POGZ: variants seen among roughly 807,000 people sequenced by gnomAD.
POGZ encodes the protein pogo transposable element derived with ZNF domain.
Under a neutral mutation model 134.6 loss-of-function variants are expected in POGZ, and 17 were observed. The ratio of observed to expected loss-of-function variants is 0.13; its 90% CI spans 0.09 to 0.19. The LOEUF is 0.19. POGZ is among the 10% of genes least tolerant of loss of function. POGZ has a pLI of 1.00. For missense variants in POGZ, 1,306 were observed against 1,769.7 expected (o/e 0.74, Z 4.70); for synonymous variants, 693 against 657.1 (o/e 1.05, Z -0.84).
At chr1:151,408,350 C>T (rs897715235) in intron 14 of POGZ, 59 bp downstream of exon 14, 2 of 1,561,354 alleles carry the variant, frequency 1.3e-6, no homozygotes, top group South Asian at 2.4e-5. Flanking sequence ...CACTGTGTAT[C>T]AGGAATAATC....
intron 7 of POGZ, 32 bp from the exon 8 acceptor site, chr1:151,425,093 A>G (rs1268493586): frequency 9.1e-7 from 1 of 1,100,534 alleles, no homozygotes; most frequent in Non-Finnish European, 1.4e-6. Context: ...GATAAGATTA[A>G]TACAATGACA....
At chr1:151,425,982 G>C (rs1016652978) in intron 7 of POGZ, among the ~76,000 whole-genome samples, 1 of 152,168 alleles carries the variant, frequency 6.6e-6, no homozygotes, top group South Asian at 2.1e-4. Flanking sequence ...AGTGCGTAAG[G>C]GTTCTGCTTT....
chr1:151,406,734 G>A (rs992061110), intron 17 of POGZ, 103 bp from the exon 18 acceptor site: 18 of 1,076,294 alleles, frequency 1.7e-5, no homozygotes, highest in South Asian at 1.4e-4. Flanking sequence ...TACGCTGTTC[G>A]CAGTGACCAG....
intron 17 of POGZ, 108 bp from the exon 18 acceptor site, chr1:151,406,739 G>T: frequency 1.8e-6 from 2 of 1,081,236 alleles, no homozygotes; most frequent in South Asian, 2.7e-5. Flanking sequence ...TGTTCGCAGT[G>T]ACCAGCTTTC....
At chr1:151,447,631 A>C (rs908030428) in intron 1 of POGZ, among the ~76,000 whole-genome samples, 17 of 133,060 alleles carry the variant, frequency 1.3e-4, no homozygotes, top group African/African-American at 4.5e-4. Context: ...AAGAGCCACC[A>C]TGTCTGGCTA....
Position 151,430,764 on chromosome 1 carries a change from C to T in POGZ, c.361G>A (p.Val121Ile). ...ACAGGCCTCAATACTGGTTGAGTAACCATTGTGCCCAGACCTGGGGCTGGA... is the reference window on the plus strand; with the variant it reads ...ACAGGCCTCAATACTGGTTGAGTAATCATTGTGCCCAGACCTGGGGCTGGA... ...QNPAPGLGTM[V>I]TQPVLRPVQV... is the part of the protein sequence containing the mutation. Residue 121 changes from valine to isoleucine, a missense_variant, in exon 4 of 19, where the codon GTT becomes ATT. By Grantham distance (29) the Val-to-Ile change is conservative (BLOSUM62 3). This residue lies in a region of POGZ where 541 missense variants were observed against 680.5 expected (regional missense o/e 0.80). Coordinates refer to ENST00000271715, the MANE Select transcript of POGZ (RefSeq NM_015100.4). 6.2e-7 allele frequency: 1 copy of T among 1,603,278 alleles called. No individual in the cohort carries two copies. The highest frequency in any genetic ancestry group is 8.5e-7 in the Non-Finnish European group (1 of 1,175,566).
chr1:151,458,389 GA>G (rs1663025609), intron 1 of POGZ, among the ~76,000 whole-genome samples: 1 of 152,074 alleles, frequency 6.6e-6, no homozygotes, highest in South Asian at 2.1e-4. Context: ...CATCCCAAAA[GA>G]AATTTGGGGA....
chr1:151,425,433 T>C (rs1657608975), intron 7 of POGZ: 1 of 158,638 alleles, frequency 6.3e-6, no homozygotes, highest in Admixed American at 6.3e-5. Flanking sequence ...ATAATTTGTA[T>C]GTGATTTTTT....
rs778587026 is a variant in POGZ at position 151,406,147 on chromosome 1, C to T, written c.2888G>A (p.Gly963Asp). 1 of 1,614,142 alleles carries T rather than the reference C, an allele frequency of 6.2e-7. No homozygotes were observed. Among genetic ancestry groups the T allele is most frequent in the Non-Finnish European group, 8.5e-7 (1 of 1,179,966 alleles). ...QEPELASGGG[G>D]SGGVGKKEQL... is the part of the protein sequence containing the mutation. ...CTCCTTTTTGCCAACTCCACCACTA[C>T]CACCACCACCTGATGCTAGCTCAGG... The change falls in exon 19 of 19, where the codon GGT (glycine) becomes GAT (aspartate). Residue 963 changes from glycine (G) to aspartate (D), a missense_variant. By Grantham distance (94) the Gly-to-Asp change is moderately conservative. Around this residue, in one of 10 missense-constraint regions of POGZ, gnomAD observed 214 missense variants for 255.5 expected, o/e 0.84. Transcript: ENST00000271715.
rs868385205 is a variant in POGZ, at chr1:151,424,986, C to T, written c.1154G>A (p.Arg385His). 5 of 1,596,196 alleles carry T rather than the reference C, an allele frequency of 3.1e-6. No individual in the cohort carries two copies. Among genetic ancestry groups the T allele is most frequent in the Non-Finnish European group, 4.3e-6 (5 of 1,167,582 alleles). The part of the protein sequence containing the change: ...KICPRCNAQF[R>H]VTEALRGHMC... ...GTGACCTCTCAAAGCTTCAGTAACA[C>T]GAAATTGAGCATTACATCGTGGACA... is the stretch of plus-strand genomic sequence containing the variant. The change falls in exon 8 of 19, where the codon CGT (arginine) becomes CAT (histidine). Residue 385 changes from arginine (R) to histidine (H), a missense_variant. This residue lies in a region of POGZ where 541 missense variants were observed against 680.5 expected (regional missense o/e 0.80). Coordinates refer to ENST00000271715, the MANE Select transcript of POGZ (RefSeq NM_015100.4).
chr1:151,411,786 AG>A lies in POGZ; in HGVS notation c.1780-16del. The A allele has an allele frequency of 6.2e-7, 1 of 1,603,146 alleles. No individual in the cohort carries two copies. Among genetic ancestry groups the A allele is most frequent in the Non-Finnish European group, 8.5e-7 (1 of 1,174,954 alleles). On this transcript the variant is annotated splice_polypyrimidine_tract_variant and intron_variant, in intron 11 of 18. Transcript: ENST00000271715. ...TATTGACACACCTGAGTCACATAGG[AG>A]GGAAAATAAGGCTAAGAATGAAGTG...
Position 151,427,873 on chromosome 1 carries a change from C to T in POGZ, c.1028G>A (p.Ser343Asn), listed in dbSNP as rs201775498. 3.8e-5 allele frequency: 61 copies of T among 1,613,996 alleles called. No individual in the cohort carries two copies. The highest frequency in any genetic ancestry group is 4.7e-5 in the Non-Finnish European group (56 of 1,179,986). ...SPGPVVVSNN[S>N]SAHGSQRTSG... The stretch of plus-strand genomic sequence containing the variant: ...GGTTCTTTGAGAGCCATGAGCAGAG[C>T]TGTTGTTGGACACCACCACTGGCCC... The change falls in exon 7 of 19, where the codon AGC becomes AAC. Residue 343 changes from serine (S) to asparagine (N), a missense_variant. Coordinates refer to ENST00000271715, the MANE Select transcript of POGZ (RefSeq NM_015100.4).
At chr1:151,415,258 T>C (rs904564655) in intron 10 of POGZ, among the ~76,000 whole-genome samples, 3 of 152,202 alleles carry the variant, frequency 2.0e-5, no homozygotes, top group Non-Finnish European at 4.4e-5. Context: ...TCAAACTTTC[T>C]CCTTTCCACT....
chr1:151,431,578 G>T (rs192086880), intron 3 of POGZ, among the ~76,000 whole-genome samples: 2 of 152,062 alleles, frequency 1.3e-5, no homozygotes, highest in Non-Finnish European at 2.9e-5. Flanking sequence ...GCTACCTACC[G>T]TAGCCCTCTC....
At chr1:151,427,750 A>C in intron 7 of POGZ, 73 bp downstream of exon 7, 1 of 967,938 alleles carries the variant, frequency 1.0e-6, no homozygotes, top group Non-Finnish European at 1.6e-6. Context: ...CTGAGTATAA[A>C]GCTCTGATAC....
rs145999381 is a variant in POGZ, at chr1:151,440,989, G to A, written c.222C>T (p.Ser74=). ...TTGTACTGTCGCTGTTCTGTGCCCC[G>A]CTGCTACTAACGGTGGTGGATGTAG... The part of the protein sequence containing the change: ...HLSTSTTVSS[S]GAQNSDSTKK... The change falls in exon 3 of 19, where the codon AGC becomes AGT. Residue 74 remains serine (S), a synonymous_variant. Transcript: ENST00000271715. The A allele has an allele frequency of 1.1e-3, 1,848 of 1,613,692 alleles. No homozygotes were observed. The highest frequency in any genetic ancestry group is 1.4e-3 in the Admixed American group (84 of 59,998).
intron 3 of POGZ, among the ~76,000 whole-genome samples, chr1:151,431,904 C>G (rs1658755024): frequency 6.6e-6 from 1 of 152,088 alleles, no homozygotes; most frequent in Non-Finnish European, 1.5e-5. Flanking sequence ...CATGGTGGCT[C>G]ACACCTCTAA....
chr1:151,426,188 C>G (rs1657732666), intron 7 of POGZ: 1 of 141,304 alleles, frequency 7.1e-6, no homozygotes, highest in Non-Finnish European at 1.6e-5. Flanking sequence ...TACTTTCCTA[C>G]TTTTTTTTTT....
rs572744564 is a variant in POGZ, at chr1:151,448,307, T to C, written c.-1-6102A>G. ...CAAAATACCTAGATCATTAAGATAA[T>C]TTATATGTAGTTAAGAAATTTTGGC... On this transcript the variant is annotated intron_variant, in intron 1 of 18. Transcript: ENST00000271715. Among the ~76,000 whole-genome samples the C allele has an allele frequency of 5.1e-3, 781 of 152,270 alleles. 2 individuals are homozygous for C. Among genetic ancestry groups the C allele is most frequent in the Non-Finnish European group, 8.6e-3 (582 of 68,022 alleles).
Sources: allele counts gnomAD v4.1 joint callset (sites outside exome capture counted in the v4.1 genomes callset), GRCh38; gene constraint gnomAD v4.1.1; regional missense constraint gnomAD v4.1.1; transcripts MANE v1.5; gene names NCBI Gene and HGNC (gene_info 2026-07-23, HGNC 2026-07-21).